Variants in NBEA observed in about 807,000 individuals in gnomAD.
NBEA encodes neurobeachin.
A neutral mutation model predicts 343.4 loss-of-function variants in NBEA; 44 were observed. The ratio of observed to expected loss-of-function variants is 0.13; its 90% CI spans 0.10 to 0.16. NBEA has a LOEUF of 0.16. NBEA is among the 10% of genes least tolerant of loss of function. The pLI is 1.00. For missense variants in NBEA, 2,555 were observed against 3,631.3 expected, an observed-to-expected ratio of 0.70 and a Z score of 7.62; for synonymous variants, 1,175 against 1,238.7, an observed-to-expected ratio of 0.95 and a Z score of 1.08.
At chr13:35,481,785 C>A (rs1355033772) in intron 41 of NBEA, among the ~76,000 whole-genome samples, 1 of 151,702 alleles carries the variant, frequency 6.6e-6, no homozygotes, top group Non-Finnish European at 1.5e-5. Context: ...ATTTCCTAAC[C>A]TACAACATAT....
intron 55 of NBEA, among the ~76,000 whole-genome samples, chr13:35,658,188 TTAAG>T (rs2084910741): frequency 6.6e-6 from 1 of 152,172 alleles, no homozygotes; most frequent in Non-Finnish European, 1.5e-5. Context: ...TATTTTAGTT[TTAAG>T]TAAGGACAAG....
At chr13:35,601,766 AAAAAAAAAAAAAAAAAAAAG>A (rs2082059315) in intron 47 of NBEA, among the ~76,000 whole-genome samples, 1 of 104,266 alleles carries the variant, frequency 9.6e-6, no homozygotes. Context: ...CATCGCAAAA[AAAAAAAAAAAAAAAAAAAAG>A]AAAAAAAAAA....
intron 6 of NBEA, among the ~76,000 whole-genome samples, chr13:35,052,997 T>C (rs2063119539): frequency 6.6e-6 from 1 of 152,070 alleles, no homozygotes; most frequent in Admixed American, 6.6e-5. Flanking sequence ...ACACTTCCTA[T>C]CAGTTCTGTT....
intron 8 of NBEA, among the ~76,000 whole-genome samples, chr13:35,069,336 C>T (rs2063776341): frequency 1.3e-5 from 2 of 151,950 alleles, no homozygotes; most frequent in Admixed American, 6.6e-5. Flanking sequence ...AGGTTTAGTT[C>T]TTGTGTTTCA....
chr13:35,530,893 C>G (rs939043790), intron 41 of NBEA, among the ~76,000 whole-genome samples: 1 of 152,168 alleles, frequency 6.6e-6, no homozygotes, highest in African/African-American at 2.4e-5. Flanking sequence ...CTCTTTAGAA[C>G]TGCCAGAAAT....
intron 41 of NBEA, among the ~76,000 whole-genome samples, chr13:35,488,532 T>C (rs898666542): frequency 6.6e-6 from 1 of 151,932 alleles, no homozygotes; most frequent in Non-Finnish European, 1.5e-5. Context: ...GCTTGATCAA[T>C]GACTAGCAAA....
At chr13:34,948,811 G>T (rs1225663795) in intron 1 of NBEA, among the ~76,000 whole-genome samples, 1 of 152,120 alleles carries the variant, frequency 6.6e-6, no homozygotes, top group Non-Finnish European at 1.5e-5. Context: ...GTCACTTTTT[G>T]GGGTCTTTGA....
At chr13:35,355,247 A>G (rs2040427148) in intron 38 of NBEA, among the ~76,000 whole-genome samples, 1 of 146,712 alleles carries the variant, frequency 6.8e-6, no homozygotes, top group Non-Finnish European at 1.5e-5. Context: ...TACCAGCATG[A>G]TATATAGTCT....
At chr13:35,437,479 G>A (rs1167081286) in intron 39 of NBEA, among the ~76,000 whole-genome samples, 2 of 152,004 alleles carry the variant, frequency 1.3e-5, no homozygotes, top group African/African-American at 4.8e-5. Flanking sequence ...ATACTAATGA[G>A]TTGAATAATT....
chr13:35,090,050 T>TA (rs1279057146), intron 10 of NBEA, among the ~76,000 whole-genome samples: 1 of 63,218 alleles, frequency 1.6e-5, no homozygotes. Context: ...CCCTAAAACT[T>TA]AAAGTATAAT....
chr13:35,102,483 C>T, intron 11 of NBEA, among the ~76,000 whole-genome samples: 1 of 151,734 alleles, frequency 6.6e-6, no homozygotes, highest in South Asian at 2.1e-4. Context: ...ATATTGACAT[C>T]TTTCCTATAT....
At chr13:35,081,194 G>A (rs1005957875) in intron 10 of NBEA, among the ~76,000 whole-genome samples, 2 of 152,092 alleles carry the variant, frequency 1.3e-5, no homozygotes, top group African/African-American at 4.8e-5. Context: ...TCTGGTGGCT[G>A]TATATCTCAT....
intron 1 of NBEA, among the ~76,000 whole-genome samples, chr13:35,010,245 A>T (rs2322381): frequency 0.97 from 146,837 of 152,116 alleles, 70,964 homozygotes; most frequent in Non-Finnish European, 0.99. Flanking sequence ...AGTACTGAAA[A>T]CAGAGACAAT....
chr13:35,648,080 GT>G (rs1211682637), intron 51 of NBEA, among the ~76,000 whole-genome samples: 1 of 149,700 alleles, frequency 6.7e-6, no homozygotes, highest in Non-Finnish European at 1.5e-5. Context: ...GTTTTGCTGT[GT>G]TTCCCAGGCT....
intron 38 of NBEA, among the ~76,000 whole-genome samples, chr13:35,418,126 ATG>A (rs1172007569): frequency 1.3e-5 from 2 of 152,018 alleles, no homozygotes; most frequent in African/African-American, 4.8e-5. Flanking sequence ...TTTTGAGCCT[ATG>A]TGTGTGTCTG....
intron 33 of NBEA, among the ~76,000 whole-genome samples, chr13:35,225,958 T>C (rs2074629343): frequency 6.6e-6 from 1 of 152,164 alleles, no homozygotes; most frequent in South Asian, 2.1e-4. Context: ...ATTTTAAAAG[T>C]TCAAATTCTT....
intron 36 of NBEA, among the ~76,000 whole-genome samples, chr13:35,323,994 T>C (rs2038362895): frequency 6.6e-6 from 1 of 152,218 alleles, no homozygotes. Flanking sequence ...TCTGTGCCTT[T>C]ATTAGAAAAC....
intron 34 of NBEA, among the ~76,000 whole-genome samples, chr13:35,250,354 G>GA (rs1373061811): frequency 2.6e-5 from 4 of 152,066 alleles, no homozygotes; most frequent in East Asian, 3.9e-4. Flanking sequence ...CAATTCTATA[G>GA]AAAAAATGGG....
chr13:35,559,145 T>G lies in NBEA; in HGVS notation c.6922+4043T>G, dbSNP rs552952081. 2.6e-5 allele frequency among the ~76,000 whole-genome samples: 4 copies of G among 152,326 alleles called. No homozygotes were observed. In the East Asian group the frequency reaches 7.7e-4, roughly 29 times the overall value. On this transcript the variant is annotated intron_variant, in intron 44 of 58. Transcript: ENST00000379939. ...AGCATTAAAGACATGGGTGATGGTT[T>G]TCTTAGAGAAGCTTCAGTAATGCCA...
Sources: gnomAD v4.1 joint callset for allele counts (sites outside exome capture counted in the v4.1 genomes callset) on GRCh38, gnomAD v4.1.1 for gene constraint, MANE v1.5 for transcripts, NCBI Gene and HGNC (gene_info 2026-07-23, HGNC 2026-07-21) for gene names.